HIVEP3: variants seen among roughly 807,000 people sequenced by gnomAD.
HIVEP3 encodes transcription factor HIVEP3.
A neutral mutation model predicts 152.8 loss-of-function variants in HIVEP3; 49 were observed. The observed-to-expected ratio is 0.32, with a 90% CI of 0.26 to 0.41. The LOEUF (loss-of-function observed/expected upper bound fraction) is 0.41. Among genes scored for constraint, HIVEP3 ranks in the 10% least tolerant of loss-of-function variants. The pLI is 1.00. For missense variants in HIVEP3, 2,790 were observed against 3,103.3 expected (o/e 0.90, Z 2.40); for synonymous variants, 1,269 against 1,289.0 (o/e 0.98, Z 0.33).
intron 2 of HIVEP3, among the ~76,000 whole-genome samples, chr1:41,674,702 C>T (rs1029278036): frequency 1.3e-5 from 2 of 152,192 alleles, no homozygotes; most frequent in Admixed American, 6.5e-5. Flanking sequence ...GGAATCCTCA[C>T]GCTGAGATCA....
intron 1 of HIVEP3, among the ~76,000 whole-genome samples, chr1:41,735,929 G>C (rs1646911021): frequency 6.6e-6 from 1 of 152,092 alleles, no homozygotes; most frequent in South Asian, 2.1e-4. Context: ...GAAGGAAGAG[G>C]AGAGAAAAAG....
At chr1:41,531,983 G>C (rs372468204) in intron 5 of HIVEP3, among the ~76,000 whole-genome samples, 1,483 of 125,532 alleles carry the variant, frequency 0.012, 13 homozygotes, top group South Asian at 0.036. Context: ...TAGAGGACAG[G>C]AGAGATGGAG....
intron 1 of HIVEP3, among the ~76,000 whole-genome samples, chr1:41,728,892 T>G (rs574824850): frequency 1.3e-5 from 2 of 152,312 alleles, no homozygotes; most frequent in Admixed American, 6.5e-5. Context: ...GGGGTTTCTC[T>G]GCTGGGTGTT....
chr1:41,637,987 A>G (rs1645303126), intron 2 of HIVEP3, among the ~76,000 whole-genome samples: 2 of 152,194 alleles, frequency 1.3e-5, no homozygotes, highest in Non-Finnish European at 2.9e-5. Context: ...CTCACTTATA[A>G]GTGGAATCTA....
intron 1 of HIVEP3, among the ~76,000 whole-genome samples, chr1:41,806,528 G>A (rs76664543): frequency 0.015 from 2,264 of 152,362 alleles, 66 homozygotes; most frequent in African/African-American, 0.052. Context: ...GTGAATGGGG[G>A]TAAGAAGAGC....
intron 1 of HIVEP3, among the ~76,000 whole-genome samples, chr1:41,830,638 G>A (rs1001204351): frequency 6.6e-6 from 1 of 152,194 alleles, no homozygotes; most frequent in Non-Finnish European, 1.5e-5. Flanking sequence ...CTCCTTTGCC[G>A]CAATGTGGGA....
chr1:41,918,933 G>C (rs1358916498), upstream of HIVEP3, among the ~76,000 whole-genome samples: 1 of 152,136 alleles, frequency 6.6e-6, no homozygotes, highest in East Asian at 1.9e-4. This position sits in a 1 kb window ranked among gnomAD's most constrained non-coding sequence, Gnocchi z 4.3. Flanking sequence ...TTTTTTGAAA[G>C]GGGGTTTAAC....
intron 1 of HIVEP3, among the ~76,000 whole-genome samples, chr1:41,733,590 G>A (rs928126307): frequency 1.1e-4 from 16 of 152,320 alleles, no homozygotes; most frequent in African/African-American, 2.6e-4. Flanking sequence ...CTATTCTGTC[G>A]CTCACCAAAC....
At chr1:42,024,390 A>G (rs777000233) in intron 1 of HIVEP3, among the ~76,000 whole-genome samples, 6 of 152,214 alleles carry the variant, frequency 3.9e-5, no homozygotes, top group Middle Eastern at 6.8e-3. Context: ...TATGTTTCCA[A>G]TGAGTCTTCC....
chr1:41,965,726 C>T (rs642579), intron 1 of HIVEP3, among the ~76,000 whole-genome samples: 121,829 of 152,142 alleles, frequency 0.8, 49,549 homozygotes, highest in East Asian at 0.96. Context: ...ACTATGGGAT[C>T]ATATAAAAGG....
At chr1:41,525,001 C>T (rs897016857) in intron 5 of HIVEP3, 91 bp from the exon 6 acceptor site, 1 of 1,200,320 alleles carries the variant, frequency 8.3e-7, no homozygotes, top group Non-Finnish European at 1.2e-6. Flanking sequence ...TAGATTCATC[C>T]AGCCCGTTAC....
At chr1:41,779,179 C>A (rs1648889614) in intron 1 of HIVEP3, among the ~76,000 whole-genome samples, 1 of 152,168 alleles carries the variant, frequency 6.6e-6, no homozygotes, top group Non-Finnish European at 1.5e-5. Flanking sequence ...GTCCCCCAAC[C>A]AGGTGCATCT....
Position 41,562,601 on chromosome 1 carries a change from TTCTCTC to T in HIVEP3, c.5207+12937_5207+12942del, listed in dbSNP as rs72509109. ...TTCCTTCCTTCCTTCCTTCCTTTCT[TTCTCTC>T]TCTCTCTCTCTCTCTCTCTCTCTCT... On this transcript the variant is annotated intron_variant, in intron 5 of 8. Coordinates refer to ENST00000372583, the MANE Select transcript of HIVEP3 (RefSeq NM_024503.5). Among the ~76,000 whole-genome samples the T allele has an allele frequency of 8.2e-4, 103 of 126,222 alleles. 2 individuals carry two copies. Among genetic ancestry groups the T allele is most frequent in the African/African-American group, 1.8e-3 (57 of 32,542 alleles). The allele number at this position is 126,222 out of a possible 152,430, so 82.8% of individuals were successfully genotyped here.
chr1:41,608,917 CAA>C (rs35714997), intron 3 of HIVEP3, among the ~76,000 whole-genome samples: 224 of 123,494 alleles, frequency 1.8e-3, no homozygotes, highest in African/African-American at 6.0e-3. Flanking sequence ...CTAAAAATAC[CAA>C]AAAAAAAAAA....
intron 2 of HIVEP3, among the ~76,000 whole-genome samples, chr1:41,673,507 C>T (rs979124109): frequency 2.0e-5 from 3 of 152,192 alleles, no homozygotes; most frequent in Non-Finnish European, 4.4e-5. Flanking sequence ...GCTTAGCTTA[C>T]AGGCAGTGCA....
chr1:41,546,641 A>G (rs1643810830), intron 5 of HIVEP3, among the ~76,000 whole-genome samples: 1 of 152,252 alleles, frequency 6.6e-6, no homozygotes, highest in Non-Finnish European at 1.5e-5. Flanking sequence ...CAGAGCCAAG[A>G]CTACAAACCT....
At chr1:41,810,793 C>T (rs1172430165) in intron 1 of HIVEP3, among the ~76,000 whole-genome samples, 3 of 152,234 alleles carry the variant, frequency 2.0e-5, no homozygotes, top group Non-Finnish European at 4.4e-5. Context: ...TGTTGTACCT[C>T]ATTTTAAGAA....
chr1:41,637,901 T>C (rs1216127136), intron 2 of HIVEP3, among the ~76,000 whole-genome samples: 1 of 152,180 alleles, frequency 6.6e-6, no homozygotes. Flanking sequence ...ACTTCAGTTT[T>C]ACAAGATGAA....
intron 1 of HIVEP3, among the ~76,000 whole-genome samples, chr1:41,764,165 G>A (rs1647865320): frequency 6.6e-6 from 1 of 152,156 alleles, no homozygotes; most frequent in Admixed American, 6.5e-5. Context: ...GATGTGTGGG[G>A]AATGTGCACA....
Sources: allele counts gnomAD v4.1 joint callset (sites outside exome capture counted in the v4.1 genomes callset), GRCh38; gene constraint gnomAD v4.1.1; non-coding constraint Gnocchi (gnomAD v3.1); transcripts MANE v1.5; gene names NCBI Gene and HGNC (gene_info 2026-07-23, HGNC 2026-07-21).